The following ZFAND4 variants were observed in gnomAD, a reference collection of about 807,000 sequenced individuals.
The protein encoded by ZFAND4 is AN1-type zinc finger protein 4.
In ZFAND4, 43 loss-of-function variants were observed where a neutral mutation model predicts 64.4. The ratio of observed to expected loss-of-function variants is 0.67; its 90% CI spans 0.52 to 0.86. The LOEUF (loss-of-function observed/expected upper bound fraction) is 0.86, where lower values mean the gene tolerates loss of function less well. Among genes scored for constraint, ZFAND4 ranks in the 40% least tolerant of loss-of-function variants. ZFAND4 has a pLI of 0.00. For synonymous variants in ZFAND4, 296 were observed against 305.7 expected, an observed-to-expected ratio of 0.97 and a Z score of 0.33; for missense variants, 929 against 859.8, an observed-to-expected ratio of 1.08 and a Z score of -1.01.
At chr10:45,672,810 AC>A (rs1473997388), upstream of ZFAND4, 9 of 152,134 alleles carry the variant, frequency 5.9e-5, no homozygotes, top group African/African-American at 1.9e-4. Context: ...TTGTGACACC[AC>A]CTACCAATCG....
Position 45,645,746 on chromosome 10 carries a change from G to A in ZFAND4, c.569+2548C>T, listed in dbSNP as rs376168876. 7.8e-4 allele frequency among the ~76,000 whole-genome samples: 118 copies of A among 152,218 alleles called. 1 individual carries two copies. The highest frequency in any genetic ancestry group is 2.7e-3 in the African/African-American group (113 of 41,536). ...GATATCTCTATTCCCACAGAAATTTGCAGCAGATATATTTCCGAGCTCAAA... is the reference window on the plus strand; with the variant it reads ...GATATCTCTATTCCCACAGAAATTTACAGCAGATATATTTCCGAGCTCAAA... On this transcript the variant is annotated intron_variant, in intron 5 of 9. Transcript: ENST00000344646.
intron 6 of ZFAND4, among the ~76,000 whole-genome samples, chr10:45,635,214 C>CAAAAAAAAAAAAAAAAAAAAAAA (rs76130878): frequency 4.4e-5 from 3 of 68,288 alleles, no homozygotes; most frequent in Admixed American, 1.6e-4. Flanking sequence ...AAAAAAAAAA[C>CAAAAAAAAAAAAAAAAAAAAAAA]AAAAAAAAAA....
rs2045841139 is a variant in ZFAND4, at chr10:45,626,553, G to A, written c.1270C>T (p.Leu424=). The change falls in exon 7 of 10, where the codon CTG becomes TTG. Residue 424 remains leucine (L), a synonymous_variant. Transcript: ENST00000344646. The part of the protein sequence containing the change: ...SGLEGACKVN[L]ELLLTNADKG... ...TCAGCATTAGTGAGTAGCAACTCCA[G>A]ATTCACTTTGCACGCACCTTCTAAG... 4 of 1,614,024 alleles carry A rather than the reference G, an allele frequency of 2.5e-6. No homozygotes were observed. The Admixed American group carries it at 5.0e-5, about 20-fold the overall frequency.
chr10:45,651,405 C>T (rs934618941), intron 4 of ZFAND4: 29 of 346,448 alleles, frequency 8.4e-5, no homozygotes, highest in African/African-American at 6.2e-4. Flanking sequence ...CAGAGACTTT[C>T]TCTCCCATGT....
intron 1 of ZFAND4, among the ~76,000 whole-genome samples, chr10:45,667,247 T>C (rs1343817438): frequency 1.3e-5 from 2 of 152,322 alleles, no homozygotes; most frequent in Non-Finnish European, 2.9e-5. Context: ...ATCACTGTCT[T>C]ATTTACAGAT....
intron 1 of ZFAND4, among the ~76,000 whole-genome samples, chr10:45,670,748 A>ATT (rs2049128914): frequency 6.6e-6 from 1 of 152,246 alleles, no homozygotes; most frequent in Non-Finnish European, 1.5e-5. Flanking sequence ...AAACCTAGGC[A>ATT]ATACCATTCA....
chr10:45,625,461 G>A (rs1195552144), intron 7 of ZFAND4, among the ~76,000 whole-genome samples: 2 of 130,882 alleles, frequency 1.5e-5, no homozygotes, highest in African/African-American at 5.8e-5. Flanking sequence ...GTGAAAGAGC[G>A]AGACTCCGTC....
intron 6 of ZFAND4, among the ~76,000 whole-genome samples, chr10:45,629,723 C>A (rs1330764960): frequency 6.6e-6 from 1 of 151,974 alleles, no homozygotes; most frequent in Admixed American, 6.6e-5. Flanking sequence ...ATTAGCTGGG[C>A]ATGGTGGCAG....
intron 5 of ZFAND4, among the ~76,000 whole-genome samples, chr10:45,644,810 A>G (rs1327863014): frequency 1.3e-5 from 2 of 152,168 alleles, no homozygotes; most frequent in African/African-American, 2.4e-5. Flanking sequence ...GTTGGCCCCT[A>G]TGAATAGTCT....
At chr10:45,659,948 C>T (rs952600433) in intron 2 of ZFAND4, among the ~76,000 whole-genome samples, 18 of 151,944 alleles carry the variant, frequency 1.2e-4, no homozygotes, top group Non-Finnish European at 2.2e-4. Flanking sequence ...GAGGCCGAGA[C>T]AGGCGGATCC....
intron 6 of ZFAND4, among the ~76,000 whole-genome samples, chr10:45,633,427 C>A (rs1463684250): frequency 6.6e-6 from 1 of 151,924 alleles, no homozygotes; most frequent in African/African-American, 2.4e-5. Context: ...AAAAATCAAG[C>A]CCGGCATGGT....
intron 1 of ZFAND4, among the ~76,000 whole-genome samples, chr10:45,669,267 A>G (rs1009009743): frequency 6.6e-6 from 1 of 152,222 alleles, no homozygotes; most frequent in African/African-American, 2.4e-5. Context: ...ACACAAATAA[A>G]CTGGAAAATC....
At chr10:45,617,510 C>T (rs2045072775) in intron 9 of ZFAND4, among the ~76,000 whole-genome samples, 1 of 149,466 alleles carries the variant, frequency 6.7e-6, no homozygotes, top group Non-Finnish European at 1.5e-5. Context: ...TGCCTATAGT[C>T]CTCACTATTA....
intron 6 of ZFAND4, among the ~76,000 whole-genome samples, chr10:45,628,779 A>C (rs750113980): frequency 1.3e-5 from 2 of 152,044 alleles, no homozygotes; most frequent in Non-Finnish European, 2.9e-5. Context: ...TGCATCAGAA[A>C]AACTGGGAGA....
chr10:45,624,342 T>C (rs534088641), intron 8 of ZFAND4, among the ~76,000 whole-genome samples: 1 of 152,354 alleles, frequency 6.6e-6, no homozygotes, highest in South Asian at 2.1e-4. Context: ...TGGGTTTTTT[T>C]GACATAGATA....
At chr10:45,668,298 G>A (rs1301606430) in intron 1 of ZFAND4, among the ~76,000 whole-genome samples, 1 of 152,186 alleles carries the variant, frequency 6.6e-6, no homozygotes, top group Non-Finnish European at 1.5e-5. Context: ...CGTAAGTGAA[G>A]GAGAAATAAA....
intron 3 of ZFAND4, 65 bp from the exon 4 acceptor site, chr10:45,652,098 A>T: frequency 6.6e-7 from 1 of 1,521,256 alleles, no homozygotes; most frequent in East Asian, 2.3e-5. Context: ...ATGTACACAT[A>T]ATTATGTGCT....
intron 1 of ZFAND4, among the ~76,000 whole-genome samples, chr10:45,669,465 G>A (rs2049039685): frequency 6.6e-6 from 1 of 152,204 alleles, no homozygotes; most frequent in Non-Finnish European, 1.5e-5. Flanking sequence ...AGAGGAGCTG[G>A]TACCATTCCT....
rs184109675 is a variant in ZFAND4, at chr10:45,668,487, T to C, written c.-118+3763A>G. On this transcript the variant is annotated intron_variant, in intron 1 of 9. Transcript: ENST00000344646. ...AAACTGCAACAATTAATGGGCAAAA[T>C]AACCAGCTAACATCATAAAGACAGG... Among the ~76,000 whole-genome samples the C allele has an allele frequency of 2.0e-5, 3 of 152,262 alleles. 1 individual carries two copies. The highest frequency in any genetic ancestry group is 6.5e-5 in the Admixed American group (1 of 15,284).
Sources: allele counts gnomAD v4.1 joint callset (sites outside exome capture counted in the v4.1 genomes callset), GRCh38; gene constraint gnomAD v4.1.1; transcripts MANE v1.5; gene names NCBI Gene and HGNC (gene_info 2026-07-23, HGNC 2026-07-21).